OXR1: variants seen among roughly 807,000 people sequenced by gnomAD.
OXR1 encodes oxidation resistance protein 1.
A neutral mutation model predicts 104.6 loss-of-function variants in OXR1; 41 were observed. The ratio of observed to expected loss-of-function variants is 0.39; its 90% CI spans 0.31 to 0.51. The LOEUF is 0.51. Among genes scored for constraint, OXR1 ranks in the 20% least tolerant of loss-of-function variants. The pLI is 0.77. For missense variants in OXR1, 955 were observed against 1,031.9 expected, an observed-to-expected ratio of 0.93 and a Z score of 1.02; for synonymous variants, 348 against 348.4, an observed-to-expected ratio of 1.00 and a Z score of 0.01.
At chr8:106,449,069 A>G (rs1036390542) in intron 2 of OXR1, among the ~76,000 whole-genome samples, 1 of 152,144 alleles carries the variant, frequency 6.6e-6, no homozygotes, top group African/African-American at 2.4e-5. Flanking sequence ...ATTTATAGTT[A>G]ATCATGAATT....
At chr8:106,597,532 G>T (rs927214438) in intron 3 of OXR1, among the ~76,000 whole-genome samples, 5 of 152,172 alleles carry the variant, frequency 3.3e-5, no homozygotes, top group African/African-American at 1.2e-4. Context: ...ACTGCTTAAA[G>T]AATATCTGTT....
At chr8:106,508,783 TC>T (rs1812337551) in intron 2 of OXR1, among the ~76,000 whole-genome samples, 1 of 152,194 alleles carries the variant, frequency 6.6e-6, no homozygotes, top group African/African-American at 2.4e-5. Context: ...TCTTTTCCTG[TC>T]TTTTGTGTCT....
intron 2 of OXR1, among the ~76,000 whole-genome samples, 186 bp from the exon 3 acceptor site, chr8:106,518,757 C>T (rs957698950): frequency 1.3e-5 from 2 of 151,810 alleles, no homozygotes; most frequent in Non-Finnish European, 2.9e-5. Context: ...GATATTTTTC[C>T]TTCTAGTTTC....
chr8:106,324,675 A>G (rs1048027263), intron 1 of OXR1, among the ~76,000 whole-genome samples: 2 of 151,544 alleles, frequency 1.3e-5, no homozygotes, highest in South Asian at 4.2e-4. Flanking sequence ...TCAACCACCC[A>G]CTGCTGCGGA....
intron 2 of OXR1, among the ~76,000 whole-genome samples, chr8:106,425,712 T>TGGGAA (rs1819090163): frequency 6.6e-6 from 1 of 152,110 alleles, no homozygotes; most frequent in African/African-American, 2.4e-5. Flanking sequence ...TGCCAAAGAC[T>TGGGAA]GGGAAGGAAA....
chr8:106,285,713 T>C (rs1021755260), intron 1 of OXR1, among the ~76,000 whole-genome samples: 2 of 152,066 alleles, frequency 1.3e-5, no homozygotes, highest in Admixed American at 1.3e-4. Flanking sequence ...TAAACAAGGA[T>C]ATTCAGAGGA....
chr8:106,622,828 A>G (rs1429382606), intron 3 of OXR1, among the ~76,000 whole-genome samples: 1 of 152,220 alleles, frequency 6.6e-6, no homozygotes, highest in African/African-American at 2.4e-5. Flanking sequence ...AACATTATAA[A>G]AAATGAATTT....
At chr8:106,652,986 G>A (rs1262904852) in intron 3 of OXR1, among the ~76,000 whole-genome samples, 1 of 147,150 alleles carries the variant, frequency 6.8e-6, no homozygotes, top group African/African-American at 2.5e-5. Flanking sequence ...GGAATACTAT[G>A]AACAACAAAT....
chr8:106,312,956 G>T (rs186788938), intron 1 of OXR1, among the ~76,000 whole-genome samples: 1 of 152,192 alleles, frequency 6.6e-6, no homozygotes, highest in African/African-American at 2.4e-5. Context: ...CTAATGTTTT[G>T]AACCACATAG....
chr8:106,568,431 A>G (rs1275122772), intron 3 of OXR1, among the ~76,000 whole-genome samples: 5 of 152,134 alleles, frequency 3.3e-5, no homozygotes, highest in African/African-American at 1.2e-4. Flanking sequence ...CTCTCCTCCC[A>G]ATAGAAAAGA....
intron 3 of OXR1, among the ~76,000 whole-genome samples, chr8:106,595,203 A>G (rs142785010): frequency 1.4e-4 from 22 of 152,308 alleles, no homozygotes; most frequent in Non-Finnish European, 2.6e-4. Context: ...TTGCTTTGTT[A>G]AAAAGCAGTC....
chr8:106,612,046 C>G (rs1820855509), intron 3 of OXR1, among the ~76,000 whole-genome samples: 1 of 151,816 alleles, frequency 6.6e-6, no homozygotes, highest in Non-Finnish European at 1.5e-5. Flanking sequence ...GATAGCTTTG[C>G]ATTTTCTTTT....
intron 3 of OXR1, among the ~76,000 whole-genome samples, chr8:106,610,831 A>G (rs573967544): frequency 9.8e-5 from 15 of 152,370 alleles, no homozygotes; most frequent in African/African-American, 3.4e-4. Context: ...AAATAAAGTA[A>G]TAAGATTCTG....
chr8:106,517,489 A>G (rs2130093692), intron 2 of OXR1, among the ~76,000 whole-genome samples: 2 of 152,304 alleles, frequency 1.3e-5, no homozygotes, highest in Middle Eastern at 3.4e-3. Context: ...TCTTTTGGTT[A>G]ACACATAAAA....
chr8:106,659,823 T>A (rs1195712959), intron 3 of OXR1, among the ~76,000 whole-genome samples: 1 of 152,206 alleles, frequency 6.6e-6, no homozygotes, highest in Non-Finnish European at 1.5e-5. Flanking sequence ...GAGACACTTA[T>A]GTGTTTATAT....
intron 3 of OXR1, among the ~76,000 whole-genome samples, chr8:106,586,683 T>C (rs758062440): frequency 6.6e-6 from 1 of 152,036 alleles, no homozygotes; most frequent in African/African-American, 2.4e-5. Context: ...ATTTCCAGTG[T>C]TGGGTAGGAA....
intron 2 of OXR1, among the ~76,000 whole-genome samples, chr8:106,460,219 C>G (rs1408246217): frequency 6.6e-6 from 1 of 152,172 alleles, no homozygotes; most frequent in Non-Finnish European, 1.5e-5. Context: ...AAGAATAGAT[C>G]ACTGAGAATC....
At chr8:106,440,085 T>A (rs1420051571) in intron 2 of OXR1, among the ~76,000 whole-genome samples, 1 of 152,102 alleles carries the variant, frequency 6.6e-6, no homozygotes, top group Admixed American at 6.6e-5. Flanking sequence ...CTCCATATTA[T>A]AGAGAGAACT....
Position 106,387,530 on chromosome 8 carries a change from C to T in OXR1, c.23+27894C>T, listed in dbSNP as rs571944351. ...GAGGTTCTTTATCCAGTTGTTACTT[C>T]TGTTTTTATTTTGCTTATAAATCTT... On this transcript the variant is annotated intron_variant, in intron 2 of 16. Transcript: ENST00000517566. Among the ~76,000 whole-genome samples the T allele has an allele frequency of 8.3e-4, 127 of 152,202 alleles. 1 individual carries two copies. Among genetic ancestry groups the T allele is most frequent in the African/African-American group, 2.9e-3 (120 of 41,556 alleles).
Sources: gnomAD v4.1 joint callset for allele counts (sites outside exome capture counted in the v4.1 genomes callset) on GRCh38, gnomAD v4.1.1 for gene constraint, MANE v1.5 for transcripts, NCBI Gene and HGNC (gene_info 2026-07-23, HGNC 2026-07-21) for gene names.